TNFRSF11B: variants seen among roughly 807,000 people sequenced by gnomAD.
TNFRSF11B encodes the protein TNF receptor superfamily member 11b, also known as tumor necrosis factor receptor superfamily member 11B.
In TNFRSF11B, 16 loss-of-function variants were observed where a neutral mutation model predicts 43.4. That is an observed-to-expected ratio of 0.37 (90% CI 0.25 to 0.56). TNFRSF11B has a LOEUF of 0.56. Among genes scored for constraint, TNFRSF11B ranks in the 20% least tolerant of loss-of-function variants. TNFRSF11B has a pLI of 0.80. For missense variants in TNFRSF11B, 444 were observed against 490.1 expected, an observed-to-expected ratio of 0.91 and a Z score of 0.89; for synonymous variants, 185 against 181.8, an observed-to-expected ratio of 1.02 and a Z score of -0.14.
chr8:118,925,666 T>G (rs370850352), intron 4 of TNFRSF11B, among the ~76,000 whole-genome samples: 2 of 152,238 alleles, frequency 1.3e-5, no homozygotes, highest in East Asian at 1.9e-4. Context: ...ATTTAACTAC[T>G]GGTGAGGACC....
rs912189679 is a variant in TNFRSF11B at position 118,923,959 on chromosome 8, T to G, written c.*415A>C. Reference sequence around the variant, plus strand: ...ATGAATATAAATAGCAATACTGTAATAGTGTTACAGATATATTAGTAACTT... The same window carrying G: ...ATGAATATAAATAGCAATACTGTAAGAGTGTTACAGATATATTAGTAACTT... On this transcript the variant is annotated 3_prime_UTR_variant, in exon 5 of 5. Coordinates refer to ENST00000297350, the MANE Select transcript of TNFRSF11B (RefSeq NM_002546.4). 6.0e-6 allele frequency: 1 copy of G among 167,400 alleles called. No individual in the cohort carries two copies. Among genetic ancestry groups the G allele is most frequent in the Non-Finnish European group, 1.3e-5 (1 of 75,776 alleles). The allele number at this position is 167,400 out of a possible 1,614,324, so 10.4% of individuals were successfully genotyped here.
intron 1 of TNFRSF11B, among the ~76,000 whole-genome samples, chr8:118,942,940 T>C (rs528879688): frequency 6.6e-6 from 1 of 152,048 alleles, no homozygotes; most frequent in African/African-American, 2.4e-5. Flanking sequence ...TACCTACCTA[T>C]TTGACCATCC....
intron 1 of TNFRSF11B, among the ~76,000 whole-genome samples, chr8:118,948,505 C>G (rs1159189144): frequency 6.6e-6 from 1 of 152,122 alleles, no homozygotes; most frequent in African/African-American, 2.4e-5. Context: ...TCCTTTTGAT[C>G]AGCACTGCCA....
At chr8:118,932,506 CCA>C (rs1812343274) in intron 2 of TNFRSF11B, among the ~76,000 whole-genome samples, 1 of 152,094 alleles carries the variant, frequency 6.6e-6, no homozygotes, top group South Asian at 2.1e-4. Flanking sequence ...TGTTAGCACT[CCA>C]GAGTCTCATT....
chr8:118,930,430 G>A (rs2129890800), intron 2 of TNFRSF11B: 2 of 154,584 alleles, frequency 1.3e-5, no homozygotes, highest in South Asian at 3.9e-4. Flanking sequence ...GCGGCGGCAG[G>A]GACGGAGTCT....
intron 2 of TNFRSF11B, among the ~76,000 whole-genome samples, chr8:118,929,704 C>T (rs915594164): frequency 2.0e-5 from 3 of 152,164 alleles, no homozygotes; most frequent in Non-Finnish European, 4.4e-5. Context: ...ACTAAAGACG[C>T]TATTAAAAAT....
chr8:118,945,176 C>A (rs932221710), intron 1 of TNFRSF11B, among the ~76,000 whole-genome samples: 1 of 152,048 alleles, frequency 6.6e-6, no homozygotes, highest in Non-Finnish European at 1.5e-5. Flanking sequence ...TAAACTTTGA[C>A]AAAGGCAACA....
In TNFRSF11B at chr8:118,928,883, G is replaced by T; in HGVS notation, c.447C>A (p.Phe149Leu). ...NTVCKRCPDGFFSNETSSKAP... is the reference protein window; with the variant it reads ...NTVCKRCPDGLFSNETSSKAP... ...CTTTAGATGACGTCTCATTTGAGAA[G>T]AACCCATCTGGACATCTTTTGCAAA... The change falls in exon 3 of 5, where the codon TTC becomes TTA. Residue 149 changes from phenylalanine to leucine, a missense_variant. Physicochemically the swap from Phe to Leu is conservative, Grantham distance 22. Coordinates refer to ENST00000297350, the MANE Select transcript of TNFRSF11B (RefSeq NM_002546.4). The T allele has an allele frequency of 3.1e-6, 5 of 1,614,196 alleles. No homozygotes were observed. The highest frequency in any genetic ancestry group is 4.2e-6 in the Non-Finnish European group (5 of 1,180,024).
intron 3 of TNFRSF11B, among the ~76,000 whole-genome samples, chr8:118,927,239 A>C (rs184625213): frequency 1.9e-4 from 29 of 152,318 alleles, no homozygotes; most frequent in African/African-American, 6.7e-4. Context: ...AAAATAACCA[A>C]ACATAAAACT....
chr8:118,924,989 A>C (rs1042849139), intron 4 of TNFRSF11B, among the ~76,000 whole-genome samples: 2 of 152,248 alleles, frequency 1.3e-5, no homozygotes, highest in Non-Finnish European at 2.9e-5. Flanking sequence ...GCATCCAACA[A>C]AACTTTGGAA....
rs775916414 is a variant in TNFRSF11B at position 118,928,850 on chromosome 8, A to G, written c.480T>C (p.Cys160=). ...AGACACTGCAATTTGTGTGTTTTCT[A>G]CAGGGTGCTTTAGATGACGTCTCAT... ...FSNETSSKAP[C]RKHTNCSVFG... Residue 160 remains cysteine (C), a synonymous_variant, in exon 3 of 5, where the codon TGT becomes TGC. Coordinates refer to ENST00000297350, the MANE Select transcript of TNFRSF11B (RefSeq NM_002546.4). The G allele has an allele frequency of 5.0e-6, 8 of 1,614,180 alleles. No homozygotes were observed. The South Asian group carries it at 5.5e-5, about 11-fold the overall frequency.
chr8:118,936,747 T>G (rs1325040835), intron 1 of TNFRSF11B, among the ~76,000 whole-genome samples: 3 of 152,010 alleles, frequency 2.0e-5, no homozygotes, highest in Non-Finnish European at 1.5e-5. Context: ...TAGAAGAAGG[T>G]ACTCCGAGAT....
At chr8:118,938,920 T>A (rs1185745398) in intron 1 of TNFRSF11B, among the ~76,000 whole-genome samples, 1 of 152,148 alleles carries the variant, frequency 6.6e-6, no homozygotes, top group East Asian at 1.9e-4. Context: ...ACACAGTGGG[T>A]TTCCATTTAT....
chr8:118,924,312 A>G lies in TNFRSF11B; in HGVS notation c.*62T>C. 6.3e-7 allele frequency: 1 copy of G among 1,593,452 alleles called. No homozygotes were observed. The highest frequency in any genetic ancestry group is 1.3e-5 in the African/African-American group (1 of 74,608). ...ACTGAAAGCCTCAAGTGCCTGAGAA[A>G]CAGTTTACTCATCCATGGGATCTCG... On this transcript the variant is annotated 3_prime_UTR_variant, in exon 5 of 5. Transcript: ENST00000297350.
intron 1 of TNFRSF11B, among the ~76,000 whole-genome samples, chr8:118,950,881 C>G (rs1366933603): frequency 6.6e-6 from 1 of 152,142 alleles, no homozygotes; most frequent in Non-Finnish European, 1.5e-5. Context: ...AACATTTACT[C>G]AAACACATCC....
chr8:118,943,268 G>T lies in TNFRSF11B; in HGVS notation c.30+8524C>A, dbSNP rs528941529. ...TTTGTTTTATGTTCTGTTACCTAGG[G>T]AATCTGGGCTCATGTCCACTAAGGC... On this transcript the variant is annotated intron_variant, in intron 1 of 4. Coordinates refer to ENST00000297350, the MANE Select transcript of TNFRSF11B (RefSeq NM_002546.4). Among the ~76,000 whole-genome samples, 28 of 152,172 alleles carry T rather than the reference G, an allele frequency of 1.8e-4. No homozygotes were observed. In the South Asian group the frequency reaches 5.8e-3, roughly 32 times the overall value.
intron 1 of TNFRSF11B, among the ~76,000 whole-genome samples, chr8:118,935,923 G>A (rs190667620): frequency 6.6e-6 from 1 of 152,218 alleles, no homozygotes; most frequent in Admixed American, 6.5e-5. Flanking sequence ...ATTTCAACAT[G>A]GTTCAGGTGT....
chr8:118,935,464 AGC>A (rs1212547959), intron 1 of TNFRSF11B, among the ~76,000 whole-genome samples: 1 of 152,234 alleles, frequency 6.6e-6, no homozygotes, highest in East Asian at 1.9e-4. Context: ...AAATAATTAC[AGC>A]AAGTAATTAC....
chr8:118,938,313 T>G (rs959998723), intron 1 of TNFRSF11B, among the ~76,000 whole-genome samples: 1 of 152,150 alleles, frequency 6.6e-6, no homozygotes, highest in Admixed American at 6.5e-5. Flanking sequence ...CATACATGTA[T>G]TAAAGCAACT....
Sources: allele counts gnomAD v4.1 joint callset (sites outside exome capture counted in the v4.1 genomes callset), GRCh38; gene constraint gnomAD v4.1.1; transcripts MANE v1.5; gene names NCBI Gene and HGNC (gene_info 2026-07-23, HGNC 2026-07-21).